The following DDX52 variants were observed in gnomAD, a reference collection of about 807,000 sequenced individuals.
DDX52 encodes the protein probable ATP-dependent RNA helicase DDX52.
DDX52 carries 59 observed loss-of-function variants against 76.1 expected under a neutral mutation model. The ratio of observed to expected loss-of-function variants is 0.78; its 90% CI spans 0.63 to 0.96. DDX52 has a LOEUF of 0.96. Ranked by LOEUF, DDX52 falls within the 40% of genes least tolerant of loss-of-function variation. The probability of loss-of-function intolerance (pLI) is 0.00; values close to 1 mark genes in which losing one functional copy is unlikely to be tolerated. For synonymous variants in DDX52, 231 were observed against 244.1 expected (o/e 0.95, Z 0.50); for missense variants, 707 against 703.9 (o/e 1.00, Z -0.05).
intron 12 of DDX52, 191 bp downstream of exon 12, chr17:37,620,682 C>A: frequency 2.1e-6 from 1 of 479,566 alleles, no homozygotes; most frequent in Non-Finnish European, 3.6e-6. Context: ...TTTCCAAATT[C>A]TAATAACGGA....
chr17:37,626,356 G>A lies in DDX52; in HGVS notation c.933-258C>T, dbSNP rs190833439. Among the ~76,000 whole-genome samples the A allele has an allele frequency of 9.4e-3, 1,426 of 152,170 alleles. 16 individuals are homozygous for A. Among genetic ancestry groups the A allele is most frequent in the African/African-American group, 0.033 (1,369 of 41,506 alleles). On this transcript the variant is annotated intron_variant, in intron 7 of 14. Transcript: ENST00000617633. Reference sequence around the variant, plus strand: ...CTGGTGGGAGGTGACCGGCTCATGGGGGCACTCTCTCTCTCTCTTCCCCAT... The same window carrying A: ...CTGGTGGGAGGTGACCGGCTCATGGAGGCACTCTCTCTCTCTCTTCCCCAT...
At chr17:37,617,025 AATC>A (rs575332509) in intron 14 of DDX52, among the ~76,000 whole-genome samples, 33 of 152,284 alleles carry the variant, frequency 2.2e-4, no homozygotes, top group African/African-American at 7.9e-4. Flanking sequence ...ACCAATTCAC[AATC>A]ATCTTTCTCT....
Position 37,611,665 on chromosome 17 carries a change from C to G in DDX52, c.*2631G>C, listed in dbSNP as rs1378107447. ...AGGAGAATCACTTGAACCCAGGAGT[C>G]AGAGGTTGCAGTGAGCCGAGATCAT... On this transcript the variant is annotated 3_prime_UTR_variant, in exon 15 of 15. Transcript: ENST00000617633. 7.2e-6 allele frequency: 1 copy of G among 139,744 alleles called. No individual in the cohort carries two copies. Among genetic ancestry groups the G allele is most frequent in the Non-Finnish European group, 1.5e-5 (1 of 66,464 alleles). 8.7% of individuals were successfully genotyped at this position (139,744 alleles called of 1,614,324 possible).
At chr17:37,641,156 G>A (rs138037493) in intron 2 of DDX52, among the ~76,000 whole-genome samples, 1,820 of 147,508 alleles carry the variant, frequency 0.012, 29 homozygotes, top group African/African-American at 0.044. Flanking sequence ...TTTAGGAGGC[G>A]GAGGCGGAGG....
At chr17:37,627,026 T>A (rs1226052410) in intron 6 of DDX52, among the ~76,000 whole-genome samples, 166 bp from the exon 7 acceptor site, 1 of 152,134 alleles carries the variant, frequency 6.6e-6, no homozygotes, top group Non-Finnish European at 1.5e-5. Flanking sequence ...TCTGAGCAGC[T>A]TTCTCTTTCT....
chr17:37,626,228 CAAAA>C, intron 7 of DDX52, 130 bp from the exon 8 acceptor site: 1 of 714,162 alleles, frequency 1.4e-6, no homozygotes, highest in African/African-American at 1.8e-5. Context: ...TTTATCATAC[CAAAA>C]AAAAAAAATA....
At chr17:37,639,178 T>C (rs1240993548) in intron 2 of DDX52, among the ~76,000 whole-genome samples, 1 of 152,084 alleles carries the variant, frequency 6.6e-6, no homozygotes, top group Non-Finnish European at 1.5e-5. Context: ...ATGGCAGACA[T>C]AGAGCTAATT....
intron 2 of DDX52, among the ~76,000 whole-genome samples, chr17:37,633,655 C>CAAA (rs374530358): frequency 1.2e-5 from 1 of 80,778 alleles, no homozygotes. Flanking sequence ...AACCTTGTCT[C>CAAA]AAAAAAAAAA....
At chr17:37,625,863 C>A in intron 8 of DDX52, 32 bp downstream of exon 8, 1 of 1,608,970 alleles carries the variant, frequency 6.2e-7, no homozygotes, top group Non-Finnish European at 8.5e-7. Context: ...AAAAAAAAAT[C>A]AGTGTGATAA....
chr17:37,638,116 G>C (rs1393489916), intron 2 of DDX52, among the ~76,000 whole-genome samples: 1 of 152,220 alleles, frequency 6.6e-6, no homozygotes, highest in East Asian at 1.9e-4. Flanking sequence ...AGAGGTGGAA[G>C]TGGTCCAGTC....
At chr17:37,640,753 C>G (rs1321723360) in intron 2 of DDX52, among the ~76,000 whole-genome samples, 2 of 148,002 alleles carry the variant, frequency 1.4e-5, no homozygotes, top group African/African-American at 2.5e-5. Context: ...TTTGGGAGGT[C>G]GAGGCGGGCA....
chr17:37,635,042 G>A (rs1212954982), intron 2 of DDX52, among the ~76,000 whole-genome samples: 8 of 151,880 alleles, frequency 5.3e-5, no homozygotes, highest in African/African-American at 1.4e-4. Flanking sequence ...CTCGTGATCC[G>A]CCCGCCTCAG....
chr17:37,629,297 T>C lies in DDX52; in HGVS notation c.748-625A>G, dbSNP rs116965652. ...CACACATAGTACTATTACAAGACTA[T>C]TTCATACTTGATATGTGTTTCATAT... On this transcript the variant is annotated intron_variant, in intron 5 of 14. Coordinates refer to ENST00000617633, the MANE Select transcript of DDX52 (RefSeq NM_007010.5). Among the ~76,000 whole-genome samples, 152 of 151,144 alleles carry C rather than the reference T, an allele frequency of 1.0e-3. 5 individuals carry two copies. In the East Asian group the frequency reaches 0.027, roughly 27 times the overall value.
chr17:37,637,511 C>A (rs1224137058), intron 2 of DDX52, among the ~76,000 whole-genome samples: 1 of 152,140 alleles, frequency 6.6e-6, no homozygotes, highest in East Asian at 1.9e-4. Context: ...CCTCCTACCT[C>A]AGCTTCCCAA....
intron 4 of DDX52, chr17:37,631,779 C>T (rs2030693457): frequency 3.4e-6 from 1 of 294,260 alleles, no homozygotes; most frequent in Non-Finnish European, 6.3e-6. Context: ...CAAGGGGTTA[C>T]ACACTAGTAA....
At chr17:37,636,533 G>A (rs1400155506) in intron 2 of DDX52, among the ~76,000 whole-genome samples, 1 of 152,146 alleles carries the variant, frequency 6.6e-6, no homozygotes, top group Non-Finnish European at 1.5e-5. Flanking sequence ...ATACCAACTT[G>A]TTACAATACG....
At chr17:37,626,691 A>G (rs2030391330) in intron 7 of DDX52, 97 bp downstream of exon 7, 2 of 1,244,246 alleles carry the variant, frequency 1.6e-6, no homozygotes. Context: ...GGTGGCAAAC[A>G]GCAAGCTCCA....
intron 9 of DDX52, 126 bp from the exon 10 acceptor site, chr17:37,621,646 G>C (rs1417927250): frequency 1.6e-6 from 2 of 1,266,478 alleles, no homozygotes; most frequent in Non-Finnish European, 2.1e-6. Context: ...CAAATTTCTT[G>C]GGCTAGTGGT....
intron 9 of DDX52, among the ~76,000 whole-genome samples, chr17:37,622,681 T>C (rs1306783135): frequency 6.6e-6 from 1 of 152,178 alleles, no homozygotes; most frequent in Non-Finnish European, 1.5e-5. Context: ...AACTACTCAT[T>C]CACACAAAAA....
Sources: gnomAD v4.1 joint callset for allele counts (sites outside exome capture counted in the v4.1 genomes callset) on GRCh38, gnomAD v4.1.1 for gene constraint, MANE v1.5 for transcripts, NCBI Gene and HGNC (gene_info 2026-07-23, HGNC 2026-07-21) for gene names.